The following BCL9L variants were observed in gnomAD, a reference collection of about 807,000 sequenced individuals.
BCL9L encodes the protein B-cell CLL/lymphoma 9-like protein.
In BCL9L, 19 loss-of-function variants were observed where a neutral mutation model predicts 99.4. The ratio of observed to expected loss-of-function variants is 0.19; its 90% CI spans 0.13 to 0.28. The LOEUF is 0.28. Among genes scored for constraint, BCL9L ranks in the 10% least tolerant of loss-of-function variants. The pLI, the probability that BCL9L is intolerant of heterozygous loss-of-function variation, is 1.00. For synonymous variants in BCL9L, 900 were observed against 854.8 expected (o/e 1.05, Z -0.92); for missense variants, 2,023 against 2,101.6 (o/e 0.96, Z 0.73).
chr11:118,896,199 GCA>G lies in BCL9L; in HGVS notation c.*2214_*2215del, dbSNP rs1939912588. Reference sequence around the variant, plus strand: ...AAAACAGGTCAATACAGTACAGGCAGCACAGAGACCCCCGGAACAAGCCTAAA... The same window carrying G: ...AAAACAGGTCAATACAGTACAGGCAGCAGAGACCCCCGGAACAAGCCTAAA... On this transcript the variant is annotated 3_prime_UTR_variant, in exon 10 of 10. Transcript: ENST00000683865. The G allele has an allele frequency of 1.2e-5, 2 of 166,874 alleles. No individual in the cohort carries two copies. The highest frequency in any genetic ancestry group is 4.8e-5 in the African/African-American group (2 of 41,404). 10.3% of individuals were successfully genotyped at this position (166,874 alleles called of 1,614,324 possible). A position where few individuals can be genotyped will look rare whatever the true frequency, so the allele number is the denominator to read the frequency against.
intron 1 of BCL9L, among the ~76,000 whole-genome samples, chr11:118,923,383 A>G (rs1043553813): frequency 6.6e-6 from 1 of 152,172 alleles, no homozygotes; most frequent in Admixed American, 6.5e-5. Flanking sequence ...CCCAGGTACC[A>G]GGACTCCAAA....
In BCL9L at chr11:118,898,139, T is replaced by C. The variant is rs567012485; in HGVS notation, c.*276A>G. The C allele has an allele frequency of 3.3e-5, 19 of 569,042 alleles. No homozygotes were observed. The highest frequency in any genetic ancestry group is 5.0e-5 in the Non-Finnish European group (16 of 319,264). 35.2% of individuals were successfully genotyped at this position (569,042 alleles called of 1,614,324 possible). On this transcript the variant is annotated 3_prime_UTR_variant, in exon 10 of 10. Transcript: ENST00000683865. ...CAGGGATGCACGGAAAGAGGTAAAA[T>C]AGAGAGGCTCCATAGGAATTGGGAG...
rs1939949954 is a variant in BCL9L at position 118,897,153 on chromosome 11, G to A, written c.*1262C>T. Reference sequence around the variant, plus strand: ...CATCCTCAGGGAGTGGAGACTGGAGGGGAGGTGCACTGACTCAGATGAACT... The same window carrying A: ...CATCCTCAGGGAGTGGAGACTGGAGAGGAGGTGCACTGACTCAGATGAACT... On this transcript the variant is annotated 3_prime_UTR_variant, in exon 10 of 10. Coordinates refer to ENST00000683865, the MANE Select transcript of BCL9L (RefSeq NM_001378213.1). 6.5e-6 allele frequency: 1 copy of A among 153,468 alleles called. No homozygotes were observed. The highest frequency in any genetic ancestry group is 6.5e-5 in the Admixed American group (1 of 15,392). 9.5% of individuals were successfully genotyped at this position (153,468 alleles called of 1,614,324 possible). A position where few individuals can be genotyped will look rare whatever the true frequency, so the allele number is the denominator to read the frequency against.
rs1591971451 is a variant in BCL9L at position 118,897,888 on chromosome 11, T to G, written c.*527A>C. On this transcript the variant is annotated 3_prime_UTR_variant, in exon 10 of 10. Transcript: ENST00000683865. Reference sequence around the variant, plus strand: ...CTGGCCAGCCGCCTGCAGGGAGGGGTGGGAGAGGGGTCAGCCACATCAGCA... The same window carrying G: ...CTGGCCAGCCGCCTGCAGGGAGGGGGGGGAGAGGGGTCAGCCACATCAGCA... The G allele has an allele frequency of 1.1e-5, 5 of 451,638 alleles. No homozygotes were observed. Among genetic ancestry groups the G allele is most frequent in the African/African-American group, 6.2e-5 (3 of 48,372 alleles). The allele number at this position is 451,638 out of a possible 1,614,324, so 28.0% of individuals were successfully genotyped here. A position where few individuals can be genotyped will look rare whatever the true frequency, so the allele number is the denominator to read the frequency against.
intron 2 of BCL9L, chr11:118,910,553 A>C (rs1344651165): frequency 6.6e-6 from 1 of 152,330 alleles, no homozygotes; most frequent in East Asian, 1.9e-4. Context: ...GGAGACCAGT[A>C]ACGCTGGCTC....
At position 118,899,362 on chromosome 11, in the gene BCL9L, T is replaced by A. The variant is rs1591974775; in HGVS notation, c.3553A>T (p.Ile1185Phe). ...LPSPTPLGSNIPLHPNAQGTG... is the reference protein window; with the variant it reads ...LPSPTPLGSNFPLHPNAQGTG... ...CCCTGTGCGTTGGGATGCAGTGGAA[T>A]GTTGGAGCCCAGAGGGGTGGGGGAG... is the stretch of plus-strand genomic sequence containing the variant. The change falls in exon 10 of 10, where the codon ATT (isoleucine) becomes TTT (phenylalanine). Residue 1185 changes from isoleucine (I) to phenylalanine (F), a missense_variant. This residue lies in a region of BCL9L where 902 missense variants were observed against 888.2 expected (regional missense o/e 1.02). Transcript: ENST00000683865. The A allele has an allele frequency of 6.3e-7, 1 of 1,576,188 alleles. No individual in the cohort carries two copies.
At chr11:118,904,997 T>C (rs899282851) in intron 5 of BCL9L, among the ~76,000 whole-genome samples, 11 of 152,176 alleles carry the variant, frequency 7.2e-5, no homozygotes, top group African/African-American at 2.7e-4. Flanking sequence ...AACTTTCTAG[T>C]ACAATAACAA....
In BCL9L at chr11:118,902,850, G is replaced by A. The variant is rs1164996469; in HGVS notation, c.893C>T (p.Thr298Ile). Residue 298 changes from threonine to isoleucine, a missense_variant, in exon 8 of 10, where the codon ACC (threonine) becomes ATC (isoleucine). This residue lies in a region of BCL9L where 1,116 missense variants were observed against 1,194.6 expected (regional missense o/e 0.93). Coordinates refer to ENST00000683865, the MANE Select transcript of BCL9L (RefSeq NM_001378213.1). This position sits in a 1 kb window ranked among gnomAD's most constrained non-coding sequence, Gnocchi z 7.8. Reference protein sequence around the residue: ...PLPLSTPSAGTPQSQPPPLPP... With the variant: ...PLPLSTPSAGIPQSQPPPLPP... ...CAGTGGAGGTGGCTGGGACTGCGGG[G>A]TGCCTGCTGACGGCGTGCTCAGGGG... The A allele has an allele frequency of 1.3e-6, 2 of 1,552,716 alleles. No individual in the cohort carries two copies. The highest frequency in any genetic ancestry group is 1.2e-5 in the South Asian group (1 of 83,128).
At position 118,899,338 on chromosome 11, in the gene BCL9L, C is replaced by T. The variant is rs1940097330; in HGVS notation, c.3577G>A (p.Gly1193Arg). Residue 1193 changes from glycine (G) to arginine (R), a missense_variant, in exon 10 of 10, where the codon GGG becomes AGG. Transcript: ENST00000683865. ...GAGTTTTGAGGGGGCCCCCCTGTCC[C>T]CTGTGCGTTGGGATGCAGTGGAATG... is the stretch of plus-strand genomic sequence containing the variant. The part of the protein sequence containing the change: ...SNIPLHPNAQ[G>R]TGGPPQNSMM... 1 of 1,576,424 alleles carries T rather than the reference C, an allele frequency of 6.3e-7. No homozygotes were observed. The highest frequency in any genetic ancestry group is 8.6e-7 in the Non-Finnish European group (1 of 1,161,814).
intron 2 of BCL9L, 124 bp from the exon 3 acceptor site, chr11:118,910,139 A>T: frequency 1.5e-6 from 1 of 664,596 alleles, no homozygotes; most frequent in East Asian, 2.8e-5. Context: ...GTGGCACTGG[A>T]AAAAGAGGAT....
rs575607412 is a variant in BCL9L at position 118,902,251 on chromosome 11, C to T, written c.1492G>A (p.Gly498Arg). 1 of 1,605,706 alleles carries T rather than the reference C, an allele frequency of 6.2e-7. No individual in the cohort carries two copies. Among genetic ancestry groups the T allele is most frequent in the Admixed American group, 1.7e-5 (1 of 59,630 alleles). The change falls in exon 8 of 10, where the codon GGG becomes AGG. Residue 498 changes from glycine to arginine, a missense_variant. By Grantham distance (125) the Gly-to-Arg change is moderately radical. Transcript: ENST00000683865. The surrounding 1 kb of genome is among the most constrained non-coding windows in gnomAD (Gnocchi z 7.8). ...TGTATCATCATGTTCATCTGCTGCCCCATGTCCCCACCCGGGGGGTGCCCA... is the reference window on the plus strand; with the variant it reads ...TGTATCATCATGTTCATCTGCTGCCTCATGTCCCCACCCGGGGGGTGCCCA... ...VPGHPPGGDM[G>R]QQMNMMIQRL... is the part of the protein sequence containing the mutation.
Position 118,908,619 on chromosome 11 carries a change from G to C in BCL9L, c.63C>G (p.Ser21Arg). 1 of 1,612,164 alleles carries C rather than the reference G, an allele frequency of 6.2e-7. No individual in the cohort carries two copies. The highest frequency in any genetic ancestry group is 8.5e-7 in the Non-Finnish European group (1 of 1,179,510). The change falls in exon 4 of 10, where the codon AGC becomes AGG. Residue 21 changes from serine (S) to arginine (R), a missense_variant. By Grantham distance (110) the Ser-to-Arg change is moderately radical. Transcript: ENST00000683865. ...AATGACCGCGGGGGGACAGCGGCGG[G>C]CTCCCTGGAGCTTCTCTCCTCCTGG... is the stretch of plus-strand genomic sequence containing the variant. ...PHPRRREAPG[S>R]PPLSPRGHCP... is the part of the protein sequence containing the mutation.
rs1479140566 is a variant in BCL9L at position 118,908,528 on chromosome 11, T to G, written c.154A>C (p.Asn52His). Residue 52 changes from asparagine (N) to histidine (H), a missense_variant, in exon 4 of 10, where the codon AAT (asparagine) becomes CAT (histidine). Transcript: ENST00000683865. ...TGGTGCTGAGATTGGGCCCCGCCAT[T>G]CCCTGTCTTGCCATGATTGGTCAAT... Reference protein sequence around the residue: ...NKLTNHGKTGNGGAQSQHQNV... With the variant: ...NKLTNHGKTGHGGAQSQHQNV... 1.2e-6 allele frequency: 2 copies of G among 1,614,028 alleles called. No homozygotes were observed. The highest frequency in any genetic ancestry group is 2.7e-5 in the African/African-American group (2 of 74,920).
In BCL9L at chr11:118,902,950, T is replaced by C. The variant is rs1271249843; in HGVS notation, c.834+40A>G. 1.9e-6 allele frequency: 3 copies of C among 1,595,208 alleles called. No homozygotes were observed. The African/African-American group carries it at 4.0e-5, about 21-fold the overall frequency. On this transcript the variant is annotated intron_variant, in intron 7 of 9. Coordinates refer to ENST00000683865, the MANE Select transcript of BCL9L (RefSeq NM_001378213.1). This position sits in a 1 kb window ranked among gnomAD's most constrained non-coding sequence, Gnocchi z 7.8. ...AGAGCATGAGACAGGTAAGGGGACGTTCCACCCAGTCCTGCTGCTCACAGA... is the reference window on the plus strand; with the variant it reads ...AGAGCATGAGACAGGTAAGGGGACGCTCCACCCAGTCCTGCTGCTCACAGA...
Position 118,903,212 on chromosome 11 carries a change from T to A in BCL9L, c.749+24A>T. On this transcript the variant is annotated intron_variant, in intron 6 of 9. Transcript: ENST00000683865. This position sits in a 1 kb window ranked among gnomAD's most constrained non-coding sequence, Gnocchi z 5.6. ...GTGCTGGGCAGAGAGAGAGAGAGAC[T>A]TGGCCTGCCCACCAGGCACTTACGT... The A allele has an allele frequency of 6.4e-7, 1 of 1,571,092 alleles. No individual in the cohort carries two copies. The highest frequency in any genetic ancestry group is 8.6e-7 in the Non-Finnish European group (1 of 1,156,312).
In BCL9L at chr11:118,921,692, T is replaced by A. The variant is rs2134445036; in HGVS notation, c.-130-2813A>T. 6.6e-6 allele frequency among the ~76,000 whole-genome samples: 1 copy of A among 152,254 alleles called. No individual in the cohort carries two copies. Among genetic ancestry groups the A allele is most frequent in the Non-Finnish European group, 1.5e-5 (1 of 68,014 alleles). On this transcript the variant is annotated intron_variant, in intron 1 of 9. Coordinates refer to ENST00000683865, the MANE Select transcript of BCL9L (RefSeq NM_001378213.1). This position sits in a 1 kb window ranked among gnomAD's most constrained non-coding sequence, Gnocchi z 5.4. ...GCTGCAAAGGAGAGGCCTCTGCTTTTGCCACTGACAGGAAAAGTGAGAAGG... is the reference window on the plus strand; with the variant it reads ...GCTGCAAAGGAGAGGCCTCTGCTTTAGCCACTGACAGGAAAAGTGAGAAGG...
chr11:118,898,329 C>CCCCCCCCCCCCCCCA lies in BCL9L; in HGVS notation c.*85_*86insTGGGGGGGGGGGGGG. On this transcript the variant is annotated 3_prime_UTR_variant, in exon 10 of 10. Coordinates refer to ENST00000683865, the MANE Select transcript of BCL9L (RefSeq NM_001378213.1). ...ACCCCCTCCACCCCACCCCGCGACC[C>CCCCCCCCCCCCCCCA]AGGCCATCCCAACATTGAGGGGAAG... The CCCCCCCCCCCCCCCA allele has an allele frequency of 7.1e-7, 1 of 1,415,910 alleles. No homozygotes were observed. The highest frequency in any genetic ancestry group is 9.4e-7 in the Non-Finnish European group (1 of 1,062,244). 87.7% of individuals were successfully genotyped at this position (1,415,910 alleles called of 1,614,324 possible). A position where few individuals can be genotyped will look rare whatever the true frequency, so the allele number is the denominator to read the frequency against.
At chr11:118,918,456 T>G (rs1029620981) in intron 2 of BCL9L, among the ~76,000 whole-genome samples, 20 of 152,002 alleles carry the variant, frequency 1.3e-4, no homozygotes, top group African/African-American at 4.8e-4. Flanking sequence ...AAGTTGTACC[T>G]TGCCCTCCAG....
At chr11:118,909,395 C>G (rs754242949) in intron 3 of BCL9L, among the ~76,000 whole-genome samples, 12 of 152,176 alleles carry the variant, frequency 7.9e-5, no homozygotes, top group Non-Finnish European at 4.4e-5. Context: ...TATTAATAGC[C>G]GCTGGAAAGA....
Sources: allele counts gnomAD v4.1 joint callset (sites outside exome capture counted in the v4.1 genomes callset), GRCh38; gene constraint gnomAD v4.1.1; regional missense constraint gnomAD v4.1.1; non-coding constraint Gnocchi (gnomAD v3.1); transcripts MANE v1.5; gene names NCBI Gene and HGNC (gene_info 2026-07-23, HGNC 2026-07-21).